The following ALPK1 variants were observed in gnomAD, a reference collection of about 807,000 sequenced individuals.
ALPK1 encodes the protein alpha kinase 1.
In ALPK1, 110 loss-of-function variants were observed where a neutral mutation model predicts 120.6. The ratio of observed to expected loss-of-function variants is 0.91; its 90% CI spans 0.78 to 1.07. The LOEUF (loss-of-function observed/expected upper bound fraction) is 1.07. ALPK1 is among the 50% of genes least tolerant of loss of function. The pLI is 0.00. For synonymous variants in ALPK1, 582 were observed against 560.3 expected (o/e 1.04, Z -0.55); for missense variants, 1,498 against 1,483.9 (o/e 1.01, Z -0.16).
chr4:112,431,364 C>G lies in ALPK1; in HGVS notation c.1817C>G (p.Ser606Ter). Residue 606 changes from serine to a stop codon, truncating the protein, a stop_gained, in exon 11 of 16, where the codon TCA (serine) becomes TGA (stop). Transcript: ENST00000650871. LOFTEE classifies it high-confidence loss of function. ...EEVNYHVDDRSARKEPGKEHL... is the reference protein window; with the variant it reads ...EEVNYHVDDR ...GTGAATTATCACGTTGACGACAGGT[C>G]AGCCAGAAAAGAGCCTGGCAAAGAA... 6.2e-7 allele frequency: 1 copy of G among 1,614,176 alleles called. No homozygotes were observed. Among genetic ancestry groups the G allele is most frequent in the African/African-American group, 1.3e-5 (1 of 75,058 alleles).
rs1285788939 is a variant in ALPK1 at position 112,435,208 on chromosome 4, T to C, written c.3095T>C (p.Val1032Ala). The C allele has an allele frequency of 1.2e-6, 2 of 1,613,602 alleles. No individual in the cohort carries two copies. Among genetic ancestry groups the C allele is most frequent in the South Asian group, 1.1e-5 (1 of 90,988 alleles). ...CTGTGGACGGCCCAGGAAACTATTG[T>C]CTATTTGGGGGACTACTTGACTGTG... ...SELWTAQETI[V>A]YLGDYLTVKK... Residue 1032 changes from valine (V) to alanine (A), a missense_variant, in exon 12 of 16, where the codon GTC becomes GCC. Val to Ala is a moderately conservative substitution (Grantham distance 64, BLOSUM62 0). Transcript: ENST00000650871.
chr4:112,404,432 A>G (rs933350516), intron 4 of ALPK1, among the ~76,000 whole-genome samples: 8 of 152,186 alleles, frequency 5.3e-5, no homozygotes, highest in Non-Finnish European at 1.0e-4. Flanking sequence ...ACAAATGAAT[A>G]TTATCCACAT....
At chr4:112,412,365 A>C in intron 5 of ALPK1, 1 of 496,588 alleles carries the variant, frequency 2.0e-6, no homozygotes, top group South Asian at 1.5e-5. Context: ...GTCTTTAAAA[A>C]GCAGATTAGA....
Position 112,350,327 on chromosome 4 carries a change from G to C in ALPK1, c.-100-27351G>C, listed in dbSNP as rs531488725. Among the ~76,000 whole-genome samples, 4 of 152,156 alleles carry C rather than the reference G, an allele frequency of 2.6e-5. No homozygotes were observed. The South Asian group carries it at 8.3e-4, about 32-fold the overall frequency. ...CGATCCTTAATCCGCACATTTCCTG[G>C]CCTCATCAAAATAATGCAATGCTTC... On this transcript the variant is annotated intron_variant, in intron 2 of 15. Coordinates refer to ENST00000650871, the MANE Select transcript of ALPK1 (RefSeq NM_025144.4).
At chr4:112,428,615 G>A (rs1045307953) in intron 9 of ALPK1, among the ~76,000 whole-genome samples, 2 of 152,004 alleles carry the variant, frequency 1.3e-5, no homozygotes, top group African/African-American at 4.8e-5. Context: ...TCCATTTATT[G>A]TCTCTCCAGA....
At position 112,440,899 on chromosome 4, in the gene ALPK1, T is replaced by G; in HGVS notation, c.3539-18T>G. The G allele has an allele frequency of 6.3e-7, 1 of 1,598,924 alleles. No homozygotes were observed. The highest frequency in any genetic ancestry group is 2.2e-5 in the East Asian group (1 of 44,802). On this transcript the variant is annotated intron_variant, in intron 14 of 15. Transcript: ENST00000650871. ...TTACAGGGAATTTAATACTCAGGTGTGTTCATTTCTCTTTTAGGTTGGGTA... is the reference window on the plus strand; with the variant it reads ...TTACAGGGAATTTAATACTCAGGTGGGTTCATTTCTCTTTTAGGTTGGGTA...
intron 7 of ALPK1, chr4:112,425,998 T>C (rs1734217918): frequency 3.0e-6 from 1 of 329,526 alleles, no homozygotes; most frequent in African/African-American, 2.1e-5. Context: ...AACTGTAGGG[T>C]TCCCAGTGTT....
At chr4:112,362,220 G>A (rs1187980177) in intron 2 of ALPK1, among the ~76,000 whole-genome samples, 1 of 152,142 alleles carries the variant, frequency 6.6e-6, no homozygotes, top group Non-Finnish European at 1.5e-5. Context: ...CACCAGCAAT[G>A]GATCCAAACC....
chr4:112,431,565 C>A lies in ALPK1; in HGVS notation c.2018C>A (p.Pro673His). 1 of 1,614,096 alleles carries A rather than the reference C, an allele frequency of 6.2e-7. No homozygotes were observed. Among genetic ancestry groups the A allele is most frequent in the Admixed American group, 1.7e-5 (1 of 60,014 alleles). ...NQPQQQMPLT[P>H]FSPHNTPGIF... is the part of the protein sequence containing the mutation. ...CCACAGCAACAGATGCCCTTGACAC[C>A]CTTCTCGCCTCATAATACCCCAGGC... The change falls in exon 11 of 16, where the codon CCC (proline) becomes CAC (histidine). Residue 673 changes from proline to histidine, a missense_variant. Transcript: ENST00000650871.
intron 12 of ALPK1, among the ~76,000 whole-genome samples, chr4:112,435,631 G>T (rs1264486393): frequency 2.6e-5 from 2 of 77,196 alleles, no homozygotes; most frequent in South Asian, 6.6e-4. Context: ...AAAAATGCTG[G>T]CAAAAAAAGG....
intron 3 of ALPK1, among the ~76,000 whole-genome samples, chr4:112,379,242 C>T (rs1731795877): frequency 1.3e-5 from 2 of 152,180 alleles, no homozygotes; most frequent in South Asian, 4.1e-4. Flanking sequence ...TTCACGAGTG[C>T]CACAGAATAG....
intron 4 of ALPK1, among the ~76,000 whole-genome samples, chr4:112,407,901 T>C (rs780540860): frequency 1.3e-5 from 2 of 151,040 alleles, no homozygotes; most frequent in Non-Finnish European, 3.0e-5. Context: ...AGGTCAGGAG[T>C]TTGAGACTAG....
chr4:112,367,115 G>GGGGTTCA (rs1731196689), intron 2 of ALPK1, among the ~76,000 whole-genome samples: 1 of 152,134 alleles, frequency 6.6e-6, no homozygotes, highest in Admixed American at 6.5e-5. Context: ...TTCGGGTGAT[G>GGGGTTCA]GGGTTCACCT....
chr4:112,340,258 T>C (rs989009160), intron 2 of ALPK1, among the ~76,000 whole-genome samples: 1 of 152,252 alleles, frequency 6.6e-6, no homozygotes, highest in African/African-American at 2.4e-5. Flanking sequence ...GAGCAGAATA[T>C]GCTAATGAAA....
chr4:112,429,223 C>T lies in ALPK1; in HGVS notation c.870C>T (p.Ala290=), dbSNP rs199772759. The T allele has an allele frequency of 4.3e-4, 699 of 1,612,960 alleles. 9 individuals are homozygous for T. In the South Asian group the frequency reaches 6.4e-3, roughly 15 times the overall value. The change falls in exon 10 of 16, where the codon GCC becomes GCT. Residue 290 remains alanine (A), a synonymous_variant. Coordinates refer to ENST00000650871, the MANE Select transcript of ALPK1 (RefSeq NM_025144.4). ...GCAAGCTGGCAGCTGCCTTCAGTGC[C>T]TATACGCCGCTCTTCGTGCTCACAG... is the stretch of plus-strand genomic sequence containing the variant. ...EACKLAAAFS[A]YTPLFVLTAV...
At chr4:112,382,333 AC>A in intron 3 of ALPK1, 64 bp from the exon 4 acceptor site, 4 of 1,476,480 alleles carry the variant, frequency 2.7e-6, no homozygotes, top group Non-Finnish European at 3.7e-6. Context: ...CTTCATCATA[AC>A]ATTGGTAGCT....
chr4:112,327,574 T>C (rs900209358), intron 2 of ALPK1, among the ~76,000 whole-genome samples: 1 of 152,172 alleles, frequency 6.6e-6, no homozygotes, highest in East Asian at 1.9e-4. Context: ...TAGCCAGGAC[T>C]ACAGGCGTGC....
At chr4:112,306,325 T>C (rs1446993868) in intron 1 of ALPK1, among the ~76,000 whole-genome samples, 1 of 152,144 alleles carries the variant, frequency 6.6e-6, no homozygotes, top group Non-Finnish European at 1.5e-5. Flanking sequence ...GAAGGAATGG[T>C]ACCAGCCCCT....
At chr4:112,372,489 G>A (rs1211739701) in intron 2 of ALPK1, among the ~76,000 whole-genome samples, 2 of 152,074 alleles carry the variant, frequency 1.3e-5, no homozygotes, top group Non-Finnish European at 2.9e-5. Context: ...GATTACAGGC[G>A]TGAGCCACCA....
Sources: allele counts gnomAD v4.1 joint callset (sites outside exome capture counted in the v4.1 genomes callset), GRCh38; gene constraint gnomAD v4.1.1; transcripts MANE v1.5; gene names NCBI Gene and HGNC (gene_info 2026-07-23, HGNC 2026-07-21).